Variants in FAM227A observed in about 807,000 individuals in gnomAD.
FAM227A encodes the protein protein FAM227A.
A neutral mutation model predicts 74.7 loss-of-function variants in FAM227A; 80 were observed. The ratio of observed to expected loss-of-function variants is 1.07; its 90% CI spans 0.89 to 1.29. FAM227A has a LOEUF of 1.29. Ranked by LOEUF, FAM227A falls within the 50% of genes most tolerant of loss-of-function variation. The pLI, the probability that FAM227A is intolerant of heterozygous loss-of-function variation, is 0.00. For synonymous variants in FAM227A, 237 were observed against 241.8 expected (o/e 0.98, Z 0.19); for missense variants, 654 against 683.4 (o/e 0.96, Z 0.48).
At chr22:38,613,255 ATATATT>A (rs2091478560) in intron 11 of FAM227A, among the ~76,000 whole-genome samples, 1 of 73,680 alleles carries the variant, frequency 1.4e-5, no homozygotes, top group Non-Finnish European at 2.6e-5. Context: ...AATATATAAC[ATATATT>A]ATAACATATA....
chr22:38,645,540 C>G (rs1467289566), intron 3 of FAM227A, 23 bp downstream of exon 3: 3 of 1,532,854 alleles, frequency 2.0e-6, no homozygotes, highest in Non-Finnish European at 2.7e-6. Flanking sequence ...AGCTTTGTCT[C>G]AGCTCCAGCA....
chr22:38,627,850 C>T (rs533796703), intron 8 of FAM227A, among the ~76,000 whole-genome samples: 1 of 152,102 alleles, frequency 6.6e-6, no homozygotes, highest in South Asian at 2.1e-4. Flanking sequence ...GTGATCCGCC[C>T]GCCTTGGCCT....
intron 15 of FAM227A, among the ~76,000 whole-genome samples, chr22:38,596,516 A>G (rs531623105): frequency 3.3e-5 from 5 of 152,318 alleles, no homozygotes; most frequent in African/African-American, 1.2e-4. Flanking sequence ...GCTGCACTGC[A>G]GCCCGGGTGA....
intron 15 of FAM227A, among the ~76,000 whole-genome samples, chr22:38,596,062 A>G (rs1427449189): frequency 6.6e-6 from 1 of 152,108 alleles, no homozygotes; most frequent in Non-Finnish European, 1.5e-5. Flanking sequence ...GCTCACGCCT[A>G]TAATCTCAAC....
Position 38,579,780 on chromosome 22 carries a change from T to A in FAM227A, c.*6345A>T, listed in dbSNP as rs2090690237. 1 of 152,176 alleles carries A rather than the reference T, an allele frequency of 6.6e-6. No homozygotes were observed. Among genetic ancestry groups the A allele is most frequent in the Non-Finnish European group, 1.5e-5 (1 of 68,036 alleles). 9.4% of individuals were successfully genotyped at this position (152,176 alleles called of 1,614,324 possible). A position where few individuals can be genotyped will look rare whatever the true frequency, so the allele number is the denominator to read the frequency against. ...AAATGTGATAACTCTTTAAAAAATA[T>A]AACCATAATGCTATTATCACGCCTA... On this transcript the variant is annotated 3_prime_UTR_variant, in exon 17 of 17. Transcript: ENST00000535113.
intron 1 of FAM227A, among the ~76,000 whole-genome samples, chr22:38,650,687 C>G (rs565421553): frequency 1.2e-4 from 19 of 152,252 alleles, no homozygotes; most frequent in African/African-American, 4.3e-4. Context: ...TGCTGTGATT[C>G]TAGAATAAGG....
At chr22:38,609,419 G>C (rs747518589) in intron 11 of FAM227A, among the ~76,000 whole-genome samples, 2 of 152,210 alleles carry the variant, frequency 1.3e-5, no homozygotes, top group African/African-American at 4.8e-5. Flanking sequence ...GTGGTATGAG[G>C]AGAGTATCAT....
intron 11 of FAM227A, among the ~76,000 whole-genome samples, chr22:38,618,208 T>G (rs2091617409): frequency 6.6e-6 from 1 of 152,200 alleles, no homozygotes. Context: ...GCAGGAAATC[T>G]CTTTACAATT....
intron 16 of FAM227A, among the ~76,000 whole-genome samples, chr22:38,586,958 A>G (rs1457875888): frequency 1.3e-5 from 2 of 152,148 alleles, no homozygotes; most frequent in Non-Finnish European, 2.9e-5. Context: ...AATTACAGGC[A>G]TGAGCCACTG....
intron 11 of FAM227A, among the ~76,000 whole-genome samples, chr22:38,611,055 G>A (rs145103482): frequency 0.026 from 3,881 of 151,746 alleles, 167 homozygotes; most frequent in African/African-American, 0.09. Context: ...GCAAGACTCC[G>A]TCTCGAAAAA....
At chr22:38,640,312 T>G (rs1441997380) in intron 3 of FAM227A, among the ~76,000 whole-genome samples, 2 of 152,096 alleles carry the variant, frequency 1.3e-5, no homozygotes, top group African/African-American at 4.8e-5. Flanking sequence ...GGATTACAGG[T>G]GTGAGCCACC....
At position 38,582,782 on chromosome 22, in the gene FAM227A, A is replaced by G. The variant is rs1047115976; in HGVS notation, c.*3343T>C. The stretch of plus-strand genomic sequence containing the variant: ...GTGGATAGGTAGACAGGCAATTCCA[A>G]TCTACTATGGTAACTGCTGCCATAA... On this transcript the variant is annotated 3_prime_UTR_variant, in exon 17 of 17. Transcript: ENST00000535113. 8 of 1,523,654 alleles carry G rather than the reference A, an allele frequency of 5.3e-6. No homozygotes were observed. The highest frequency in any genetic ancestry group is 7.1e-6 in the Non-Finnish European group (8 of 1,125,194). 94.4% of individuals were successfully genotyped at this position (1,523,654 alleles called of 1,614,324 possible).
chr22:38,619,599 T>C lies in FAM227A; in HGVS notation c.1038+613A>G, dbSNP rs187729519. Among the ~76,000 whole-genome samples, 421 of 152,288 alleles carry C rather than the reference T, an allele frequency of 2.8e-3. 1 individual carries two copies. Among genetic ancestry groups the C allele is most frequent in the Middle Eastern group, 0.02 (6 of 294 alleles). On this transcript the variant is annotated intron_variant, in intron 11 of 16. Transcript: ENST00000535113. Reference sequence around the variant, plus strand: ...TTGGGCTCCCAAAGTATTGGGATTATAGGCGTGAGTCACTGTGCCTGGCCT... The same window carrying C: ...TTGGGCTCCCAAAGTATTGGGATTACAGGCGTGAGTCACTGTGCCTGGCCT...
At chr22:38,644,021 C>T (rs2092173430) in intron 3 of FAM227A, among the ~76,000 whole-genome samples, 2 of 151,804 alleles carry the variant, frequency 1.3e-5, no homozygotes, top group African/African-American at 4.8e-5. Flanking sequence ...GTGGCGGGCG[C>T]CTGTAGTTCC....
chr22:38,638,932 C>T (rs1444590569), intron 4 of FAM227A, 110 bp from the exon 5 acceptor site: 3 of 654,722 alleles, frequency 4.6e-6, no homozygotes, highest in Non-Finnish European at 7.8e-6. Flanking sequence ...AGAGGACACT[C>T]CTACTACTAG....
intron 6 of FAM227A, among the ~76,000 whole-genome samples, chr22:38,636,161 T>C (rs139376984): frequency 4.2e-4 from 64 of 152,224 alleles, no homozygotes; most frequent in Non-Finnish European, 6.6e-4. Context: ...TTGTAGTGAT[T>C]GGCAACAGAA....
At chr22:38,622,120 T>C (rs1295901958) in intron 10 of FAM227A, among the ~76,000 whole-genome samples, 2 of 152,224 alleles carry the variant, frequency 1.3e-5, no homozygotes, top group Non-Finnish European at 2.9e-5. Flanking sequence ...CACCCCTTTT[T>C]CCAGAAATTT....
At chr22:38,623,814 G>T (rs1344032438) in intron 9 of FAM227A, among the ~76,000 whole-genome samples, 1 of 152,132 alleles carries the variant, frequency 6.6e-6, no homozygotes, top group Non-Finnish European at 1.5e-5. Context: ...AATACAGTAG[G>T]TGCTTAGTAA....
At position 38,620,196 on chromosome 22, in the gene FAM227A, G is replaced by A. The variant is rs552915837; in HGVS notation, c.1038+16C>T. The A allele has an allele frequency of 1.6e-5, 25 of 1,543,470 alleles. No individual in the cohort carries two copies. The highest frequency in any genetic ancestry group is 9.5e-5 in the South Asian group (8 of 83,870). On this transcript the variant is annotated intron_variant, in intron 11 of 16. Coordinates refer to ENST00000535113, the MANE Select transcript of FAM227A (RefSeq NM_001013647.2). ...TGGGACTCCAAAGGGGTCCTGGTCCGTGCCTCCCCACTTACCTGAGGGTGG... is the reference window on the plus strand; with the variant it reads ...TGGGACTCCAAAGGGGTCCTGGTCCATGCCTCCCCACTTACCTGAGGGTGG...
Sources: gnomAD v4.1 joint callset for allele counts (sites outside exome capture counted in the v4.1 genomes callset) on GRCh38, gnomAD v4.1.1 for gene constraint, MANE v1.5 for transcripts, NCBI Gene and HGNC (gene_info 2026-07-23, HGNC 2026-07-21) for gene names.